Variants in UPF2 observed in about 807,000 individuals in gnomAD.
UPF2 encodes the protein UPF2 regulator of nonsense mediated mRNA decay.
In UPF2, 17 loss-of-function variants were observed where a neutral mutation model predicts 141.4. That is an observed-to-expected ratio of 0.12 (90% CI 0.08 to 0.18). The LOEUF (loss-of-function observed/expected upper bound fraction) is 0.18, where lower values mean the gene tolerates loss of function less well. UPF2 is among the 10% of genes least tolerant of loss of function. The pLI is 1.00. For missense variants in UPF2, 1,152 were observed against 1,515.9 expected, an observed-to-expected ratio of 0.76 and a Z score of 3.99; for synonymous variants, 540 against 498.0, an observed-to-expected ratio of 1.08 and a Z score of -1.12.
At position 12,019,907 on chromosome 10, in the gene UPF2, T is replaced by C. The variant is rs2131293961; in HGVS notation, c.1146-5723A>G. On this transcript the variant is annotated intron_variant, in intron 3 of 21. Transcript: ENST00000357604. This position sits in a 1 kb window ranked among gnomAD's most constrained non-coding sequence, Gnocchi z 4.5. ...ACCCGGCTAATTTTTGTATTTTTAG[T>C]AGAGACGGGGTTTTGCCACGTTGGC... is the stretch of plus-strand genomic sequence containing the variant. 6.6e-6 allele frequency among the ~76,000 whole-genome samples: 1 copy of C among 152,180 alleles called. No homozygotes were observed. The highest frequency in any genetic ancestry group is 1.5e-5 in the Non-Finnish European group (1 of 68,006).
At chr10:12,036,118 T>C (rs1834621680) in intron 1 of UPF2, among the ~76,000 whole-genome samples, 1 of 152,240 alleles carries the variant, frequency 6.6e-6, no homozygotes, top group Non-Finnish European at 1.5e-5. Flanking sequence ...GTATGTTCTG[T>C]GCTATATCTG....
rs1419772933 is a variant in UPF2 at position 12,035,231 on chromosome 10, T to C, written c.193A>G (p.Arg65Gly). Residue 65 changes from arginine (R) to glycine (G), a missense_variant, in exon 2 of 22, where the codon AGA (arginine) becomes GGA (glycine). By Grantham distance (125) the Arg-to-Gly change is moderately radical. Around this residue, in one of 4 missense-constraint regions of UPF2, gnomAD observed 145 missense variants for 136.5 expected, o/e 1.06. Transcript: ENST00000357604. ...TTGCGTTCCTTGTCTTCCTTTTTTC[T>C]CTTATCATCTTCCAGTCTCTTCTTC... ...DKKKRLEDDK[R>G]KKEDKERKKK... 6.2e-6 allele frequency: 10 copies of C among 1,613,934 alleles called. No individual in the cohort carries two copies. The highest frequency in any genetic ancestry group is 8.5e-6 in the Non-Finnish European group (10 of 1,180,016).
intron 3 of UPF2, among the ~76,000 whole-genome samples, chr10:12,025,101 C>T (rs1258581838): frequency 2.6e-5 from 4 of 152,148 alleles, no homozygotes; most frequent in African/African-American, 9.7e-5. Flanking sequence ...TGCTCAGTCA[C>T]GTATCTGCAT....
chr10:11,948,467 C>T lies in UPF2; in HGVS notation c.3076G>A (p.Gly1026Arg), dbSNP rs758105747. 20 of 1,613,048 alleles carry T rather than the reference C, an allele frequency of 1.2e-5. No homozygotes were observed. Among genetic ancestry groups the T allele is most frequent in the Non-Finnish European group, 1.6e-5 (19 of 1,179,946 alleles). Residue 1026 changes from glycine (G) to arginine (R), a missense_variant, in exon 16 of 22, where the codon GGA becomes AGA. This residue lies in a region of UPF2 where 202 missense variants were observed against 223.6 expected (regional missense o/e 0.90). Coordinates refer to ENST00000357604, the MANE Select transcript of UPF2 (RefSeq NM_015542.4). ...TCTTCATCCTCTTCAAGATTTTCTC[C>T]TTCTGTCATAGAATCTTTTGAGTCT... The part of the protein sequence containing the change: ...DKDSKDSMTE[G>R]ENLEEDEEEE...
At chr10:11,952,338 T>A in intron 14 of UPF2, 89 bp from the exon 15 acceptor site, 1 of 1,183,930 alleles carries the variant, frequency 8.4e-7, no homozygotes, top group Non-Finnish European at 1.2e-6. Flanking sequence ...GTTTCCCAGT[T>A]ATAACTACTA....
intron 6 of UPF2, 79 bp downstream of exon 6, chr10:12,001,597 G>T: frequency 7.5e-7 from 1 of 1,329,870 alleles, no homozygotes; most frequent in Non-Finnish European, 1.0e-6. Context: ...GAATTAAGGA[G>T]AAAAGATCTA....
intron 12 of UPF2, among the ~76,000 whole-genome samples, chr10:11,957,147 G>A (rs73571369): frequency 2.2e-3 from 333 of 152,006 alleles, no homozygotes; most frequent in African/African-American, 7.6e-3. Context: ...AACAAAAACG[G>A]GCCAGGTGCT....
intron 19 of UPF2, among the ~76,000 whole-genome samples, chr10:11,932,675 G>A (rs1039232733): frequency 6.6e-6 from 1 of 152,154 alleles, no homozygotes; most frequent in Non-Finnish European, 1.5e-5. Flanking sequence ...TATTAACAGA[G>A]ACACACTACT....
At chr10:12,008,024 A>T (rs528110008) in intron 4 of UPF2, among the ~76,000 whole-genome samples, 1 of 151,800 alleles carries the variant, frequency 6.6e-6, no homozygotes, top group South Asian at 2.1e-4. Context: ...CTGGGATTAC[A>T]GGCGCACTCC....
intron 8 of UPF2, 72 bp downstream of exon 8, chr10:11,997,600 G>T: frequency 7.6e-7 from 1 of 1,312,238 alleles, no homozygotes. Context: ...TTTTCAAGAG[G>T]TAAGAATTTT....
At chr10:12,039,470 C>T (rs1834695276) in intron 1 of UPF2, among the ~76,000 whole-genome samples, 1 of 152,130 alleles carries the variant, frequency 6.6e-6, no homozygotes, top group African/African-American at 2.4e-5. Context: ...AAGGTAATAA[C>T]ATGATCTTAT....
chr10:12,039,608 GTC>G (rs202148909), intron 1 of UPF2, among the ~76,000 whole-genome samples: 7 of 146,954 alleles, frequency 4.8e-5, no homozygotes, highest in South Asian at 2.1e-4. Context: ...TTACAATTAT[GTC>G]TCTCTCTCTC....
intron 2 of UPF2, among the ~76,000 whole-genome samples, chr10:12,032,018 G>A (rs1473299593): frequency 1.3e-5 from 2 of 152,152 alleles, no homozygotes; most frequent in Non-Finnish European, 2.9e-5. Context: ...ACAAGGCTGG[G>A]TGCCGTGGCT....
chr10:11,955,437 C>A lies in UPF2; in HGVS notation c.2645G>T (p.Arg882Leu). Reference protein sequence around the residue: ...AKFLGELYNYRMVESAVIFRT... With the variant: ...AKFLGELYNYLMVESAVIFRT... ...GAAAATAACAGCTGATTCCACCATT[C>A]GGTAATTGTAAAGTTCTCCTAAGAA... Residue 882 changes from arginine to leucine, a missense_variant, in exon 14 of 22, where the codon CGA becomes CTA. By Grantham distance (102) the Arg-to-Leu change is moderately radical. This residue lies in a region of UPF2 where 739 missense variants were observed against 1,032.2 expected (regional missense o/e 0.72). Coordinates refer to ENST00000357604, the MANE Select transcript of UPF2 (RefSeq NM_015542.4). 1.2e-6 allele frequency: 2 copies of A among 1,614,096 alleles called. No individual in the cohort carries two copies. The highest frequency in any genetic ancestry group is 1.7e-6 in the Non-Finnish European group (2 of 1,180,022).
At chr10:11,952,010 C>G (rs1833081232) in intron 15 of UPF2, 56 bp downstream of exon 15, 1 of 1,555,934 alleles carries the variant, frequency 6.4e-7, no homozygotes. Flanking sequence ...AAAGCAAATT[C>G]CAGAAATAAT....
chr10:12,010,762 G>A (rs1306070970), intron 4 of UPF2, among the ~76,000 whole-genome samples: 1 of 151,764 alleles, frequency 6.6e-6, no homozygotes, highest in Non-Finnish European at 1.5e-5. Context: ...AAGAAACGAA[G>A]AAAACCACAC....
At chr10:11,978,553 A>G (rs932134835) in intron 9 of UPF2, among the ~76,000 whole-genome samples, 7 of 152,176 alleles carry the variant, frequency 4.6e-5, no homozygotes, top group African/African-American at 1.7e-4. Context: ...GGTGATCTTT[A>G]AAAAACTCAC....
At chr10:11,922,108 A>G (rs1348678815) in intron 21 of UPF2, among the ~76,000 whole-genome samples, 1 of 152,136 alleles carries the variant, frequency 6.6e-6, no homozygotes, top group Non-Finnish European at 1.5e-5. Context: ...AAGGTATGGA[A>G]GCCAAAGACT....
At chr10:11,942,139 C>A (rs544435864) in intron 18 of UPF2, among the ~76,000 whole-genome samples, 1 of 152,070 alleles carries the variant, frequency 6.6e-6, no homozygotes, top group Non-Finnish European at 1.5e-5. Flanking sequence ...TTTGGGAGGC[C>A]GTAGCAGGAG....
Sources: allele counts gnomAD v4.1 joint callset (sites outside exome capture counted in the v4.1 genomes callset), GRCh38; gene constraint gnomAD v4.1.1; regional missense constraint gnomAD v4.1.1; non-coding constraint Gnocchi (gnomAD v3.1); transcripts MANE v1.5; gene names NCBI Gene and HGNC (gene_info 2026-07-23, HGNC 2026-07-21).